GALNT6: variants seen among roughly 807,000 people sequenced by gnomAD.
The protein encoded by GALNT6 is GalNAc transferase 6.
In GALNT6, 51 loss-of-function variants were observed where a neutral mutation model predicts 65.9. That is an observed-to-expected ratio of 0.77 (90% CI 0.62 to 0.98). GALNT6 has a LOEUF of 0.98. Among genes scored for constraint, GALNT6 ranks in the 50% least tolerant of loss-of-function variants. The pLI is 0.00. For missense variants in GALNT6, 708 were observed against 803.3 expected, an observed-to-expected ratio of 0.88 and a Z score of 1.43; for synonymous variants, 323 against 315.1, an observed-to-expected ratio of 1.02 and a Z score of -0.26.
chr12:51,364,419 C>CCTCCAGGATGCAGCT, intron 5 of GALNT6, 64 bp from the exon 6 acceptor site: 1 of 1,168,006 alleles, frequency 8.6e-7, no homozygotes, highest in Non-Finnish European at 1.3e-6. Context: ...AAGCTGCATC[C>CCTCCAGGATGCAGCT]TGGAGGGAAT....
chr12:51,375,040 C>T (rs886689138), intron 4 of GALNT6, among the ~76,000 whole-genome samples: 1 of 152,096 alleles, frequency 6.6e-6, no homozygotes, highest in Admixed American at 6.5e-5. Flanking sequence ...TCATGCCAGG[C>T]TAATTTTTGT....
In GALNT6 at chr12:51,379,858, G is replaced by T. The variant is rs1947605224; in HGVS notation, c.-77C>A. The T allele has an allele frequency of 8.5e-6, 12 of 1,411,854 alleles. No homozygotes were observed. The highest frequency in any genetic ancestry group is 4.8e-5 in the Admixed American group (2 of 41,858). The allele number at this position is 1,411,854 out of a possible 1,614,324, so 87.5% of individuals were successfully genotyped here. A position where few individuals can be genotyped will look rare whatever the true frequency, so the allele number is the denominator to read the frequency against. ...AACCCTGGAGATAGCTTGATACGTT[G>T]TGGTGGCCACAAGCTGGGGCCTCAG... is the stretch of plus-strand genomic sequence containing the variant. On this transcript the variant is annotated 5_prime_UTR_variant, in exon 3 of 12. Coordinates refer to ENST00000356317, the MANE Select transcript of GALNT6 (RefSeq NM_007210.4).
intron 2 of GALNT6, among the ~76,000 whole-genome samples, chr12:51,388,369 G>A (rs1947905472): frequency 6.6e-6 from 1 of 152,204 alleles, no homozygotes; most frequent in Non-Finnish European, 1.5e-5. Context: ...ACACAGAGGG[G>A]CTGGCCGGGT....
At chr12:51,378,377 G>T (rs1947532140) in intron 3 of GALNT6, among the ~76,000 whole-genome samples, 1 of 152,034 alleles carries the variant, frequency 6.6e-6, no homozygotes, top group Non-Finnish European at 1.5e-5. Flanking sequence ...GGCTGGTCTT[G>T]AACTCCTGGC....
chr12:51,358,570 G>A (rs1946823417), intron 8 of GALNT6, among the ~76,000 whole-genome samples: 1 of 152,068 alleles, frequency 6.6e-6, no homozygotes, highest in African/African-American at 2.4e-5. Flanking sequence ...CTAAGTGCTG[G>A]GATTACAGGC....
intron 6 of GALNT6, among the ~76,000 whole-genome samples, chr12:51,361,392 T>C (rs1946920375): frequency 6.6e-6 from 1 of 152,232 alleles, no homozygotes; most frequent in South Asian, 2.1e-4. Flanking sequence ...GCCACAGTTT[T>C]AGTAGGCGCC....
intron 4 of GALNT6, among the ~76,000 whole-genome samples, chr12:51,372,616 T>C (rs1383197637): frequency 1.3e-5 from 2 of 152,080 alleles, no homozygotes; most frequent in African/African-American, 2.4e-5. Flanking sequence ...TGAACGTGTA[T>C]ATGGTGGCCT....
rs765526874 is a variant in GALNT6, at chr12:51,387,880, T to C, written c.-104+2970A>G. Among the ~76,000 whole-genome samples the C allele has an allele frequency of 2.0e-5, 3 of 152,112 alleles. No individual in the cohort carries two copies. The highest frequency in any genetic ancestry group is 6.5e-5 in the Admixed American group (1 of 15,270). ...TCTTCAAATTGGGAAGGGGGCTTAATGGGAGAGACTAGAATTGAATTTTTC... is the reference window on the plus strand; with the variant it reads ...TCTTCAAATTGGGAAGGGGGCTTAACGGGAGAGACTAGAATTGAATTTTTC... On this transcript the variant is annotated intron_variant, in intron 2 of 11. Coordinates refer to ENST00000356317, the MANE Select transcript of GALNT6 (RefSeq NM_007210.4). This position sits in a 1 kb window ranked among gnomAD's most constrained non-coding sequence, Gnocchi z 4.2.
intron 2 of GALNT6, among the ~76,000 whole-genome samples, chr12:51,389,235 G>C (rs1351636208): frequency 1.3e-5 from 2 of 152,244 alleles, no homozygotes. Context: ...CTGGTCTTCA[G>C]CATCCCTTCC....
chr12:51,368,652 C>T (rs1170050773), intron 4 of GALNT6, among the ~76,000 whole-genome samples: 3 of 152,030 alleles, frequency 2.0e-5, no homozygotes, highest in African/African-American at 4.8e-5. Flanking sequence ...GTGATCTGCC[C>T]GCCTCGGCCT....
chr12:51,360,888 G>A (rs190411732), intron 6 of GALNT6, 50 bp from the exon 7 acceptor site: 28 of 1,279,146 alleles, frequency 2.2e-5, no homozygotes, highest in African/African-American at 1.0e-4. Flanking sequence ...GAGGAGGAGC[G>A]GAGCCTGGCG....
intron 4 of GALNT6, among the ~76,000 whole-genome samples, chr12:51,371,594 CT>C (rs931678213): frequency 1.3e-5 from 2 of 151,988 alleles, no homozygotes; most frequent in Admixed American, 1.3e-4. Flanking sequence ...CTGCATTCTT[CT>C]TTTTTTTCCC....
At chr12:51,377,820 A>G (rs923742735) in intron 3 of GALNT6, among the ~76,000 whole-genome samples, 1 of 152,208 alleles carries the variant, frequency 6.6e-6, no homozygotes, top group Admixed American at 6.5e-5. Context: ...ACTCAATGAG[A>G]AGAAAAGGCT....
At chr12:51,386,489 G>C (rs981612202) in intron 2 of GALNT6, among the ~76,000 whole-genome samples, 1 of 152,212 alleles carries the variant, frequency 6.6e-6, no homozygotes, top group African/African-American at 2.4e-5. Flanking sequence ...CAGCCATCCA[G>C]AACATGCCCT....
Position 51,387,030 on chromosome 12 carries a change from C to T in GALNT6, c.-104+3820G>A, listed in dbSNP as rs191653094. 5.3e-4 allele frequency among the ~76,000 whole-genome samples: 81 copies of T among 152,254 alleles called. No homozygotes were observed. Among genetic ancestry groups the T allele is most frequent in the Admixed American group, 1.4e-3 (22 of 15,282 alleles). On this transcript the variant is annotated intron_variant, in intron 2 of 11. Transcript: ENST00000356317. The surrounding 1 kb of genome is among the most constrained non-coding windows in gnomAD (Gnocchi z 4.2). ...TGTGGCTTATTTTCCCAGGAAGATA[C>T]GCTGAAAATTATTTCTGTAGCTAGT...
chr12:51,366,824 G>A (rs766702691), intron 4 of GALNT6, among the ~76,000 whole-genome samples: 2 of 152,194 alleles, frequency 1.3e-5, no homozygotes, highest in Admixed American at 6.5e-5. Context: ...AATCCTCAGA[G>A]CATTAACAAT....
chr12:51,353,364 CTTTT>C lies in GALNT6; in HGVS notation c.*1011_*1014del, dbSNP rs56716510. 2,681 of 139,464 alleles carry C rather than the reference CTTTT, an allele frequency of 0.019. 69 individuals carry two copies. The highest frequency in any genetic ancestry group is 0.13 in the East Asian group (620 of 4,798). 8.6% of individuals were successfully genotyped at this position (139,464 alleles called of 1,614,324 possible). A position where few individuals can be genotyped will look rare whatever the true frequency, so the allele number is the denominator to read the frequency against. On this transcript the variant is annotated 3_prime_UTR_variant, in exon 12 of 12. Transcript: ENST00000356317. ...CCTCTGATCTGTCTGTTAGAATATA[CTTTT>C]TTTTTTTTTTTTTTTCCTGAGATGG...
chr12:51,353,211 G>A lies in GALNT6; in HGVS notation c.*1168C>T, dbSNP rs1189312939. 1.3e-5 allele frequency: 2 copies of A among 152,238 alleles called. No homozygotes were observed. The highest frequency in any genetic ancestry group is 1.9e-4 in the East Asian group (1 of 5,174). The allele number at this position is 152,238 out of a possible 1,614,324, so 9.4% of individuals were successfully genotyped here. A position where few individuals can be genotyped will look rare whatever the true frequency, so the allele number is the denominator to read the frequency against. ...TTCGTATCTGTAAAATAGGCACAGT[G>A]GTTTCTGTCCTGTCTTTCTCACAGG... On this transcript the variant is annotated 3_prime_UTR_variant, in exon 12 of 12. Transcript: ENST00000356317.
intron 8 of GALNT6, 64 bp downstream of exon 8, chr12:51,359,068 T>C (rs564150435): frequency 1.5e-6 from 2 of 1,314,888 alleles, no homozygotes; most frequent in Non-Finnish European, 2.2e-6. Context: ...ATTAGGCCCA[T>C]GAACAGGGTC....
Sources: allele counts gnomAD v4.1 joint callset (sites outside exome capture counted in the v4.1 genomes callset), GRCh38; gene constraint gnomAD v4.1.1; non-coding constraint Gnocchi (gnomAD v3.1); transcripts MANE v1.5; gene names NCBI Gene and HGNC (gene_info 2026-07-23, HGNC 2026-07-21).